The following SERPINB2 variants were observed in gnomAD, a reference collection of about 807,000 sequenced individuals.
SERPINB2 encodes plasminogen activator inhibitor 2.
Under a neutral mutation model 39.4 loss-of-function variants are expected in SERPINB2, and 28 were observed. The ratio of observed to expected loss-of-function variants is 0.71; its 90% CI spans 0.53 to 0.97. The LOEUF (loss-of-function observed/expected upper bound fraction) is 0.97. SERPINB2 is among the 50% of genes least tolerant of loss of function. The pLI is 0.00. For missense variants in SERPINB2, 557 were observed against 505.3 expected (o/e 1.10, Z -0.98); for synonymous variants, 209 against 175.1 (o/e 1.19, Z -1.53).
At chr18:63,901,942 G>A (rs999797876) in intron 6 of SERPINB2, 60 bp downstream of exon 6, 5 of 1,507,612 alleles carry the variant, frequency 3.3e-6, no homozygotes, top group Non-Finnish European at 4.4e-6. Context: ...ACAAGATATA[G>A]ACAGAAAAAT....
At chr18:63,900,685 A>G (rs904431580) in intron 5 of SERPINB2, among the ~76,000 whole-genome samples, 3 of 152,188 alleles carry the variant, frequency 2.0e-5, no homozygotes, top group African/African-American at 7.2e-5. Context: ...AGGTGTTGCC[A>G]TCACAATGGT....
In SERPINB2 at chr18:63,897,129, T is replaced by C; in HGVS notation, c.327T>C (p.Ser109=). The part of the protein sequence containing the change: ...AADKIHSSFR[S]LSSAINASTG... ...ATAAAATCCATTCATCCTTCCGCTC[T>C]CTCAGCTCTGCAATCAATGCATCCA... Residue 109 remains serine, a synonymous_variant, in exon 4 of 8, where the codon TCT becomes TCC. Coordinates refer to ENST00000299502, the MANE Select transcript of SERPINB2 (RefSeq NM_002575.3). 6.2e-7 allele frequency: 1 copy of C among 1,613,508 alleles called. No homozygotes were observed. The highest frequency in any genetic ancestry group is 1.1e-5 in the South Asian group (1 of 91,022).
In SERPINB2 at chr18:63,894,933, AT is replaced by A. The variant is rs377690463; in HGVS notation, c.169-322del. On this transcript the variant is annotated intron_variant, in intron 2 of 7. Transcript: ENST00000299502. ...TTGTGACTTTCTTTAAAATACTGGC[AT>A]TTTTTTTTCAAGACCATTTATTGGT... 7.6e-3 allele frequency among the ~76,000 whole-genome samples: 1,146 copies of A among 150,772 alleles called. 17 individuals carry two copies. The highest frequency in any genetic ancestry group is 0.024 in the African/African-American group (983 of 41,020).
intron 2 of SERPINB2, among the ~76,000 whole-genome samples, chr18:63,892,276 C>G (rs2049931646): frequency 6.6e-6 from 1 of 152,136 alleles, no homozygotes; most frequent in South Asian, 2.1e-4. Flanking sequence ...TGCACAACAT[C>G]ATTGTGAGGG....
intron 5 of SERPINB2, among the ~76,000 whole-genome samples, chr18:63,898,814 G>T (rs897768910): frequency 1.3e-5 from 2 of 152,172 alleles, no homozygotes; most frequent in Non-Finnish European, 2.9e-5. Flanking sequence ...TTTCCAGACA[G>T]AGTGCACAGA....
rs2049966064 is a variant in SERPINB2, at chr18:63,897,291, A to G, written c.417+72A>G. The G allele has an allele frequency of 4.6e-6, 7 of 1,536,770 alleles. No homozygotes were observed. The South Asian group carries it at 5.0e-5, about 11-fold the overall frequency. On this transcript the variant is annotated intron_variant, in intron 4 of 7. Transcript: ENST00000299502. ...GAAGTCACTTTCAAAGCAGTTCTCT[A>G]CAATTCAACAGTTCATAAAAGCAGA... is the stretch of plus-strand genomic sequence containing the variant.
In SERPINB2 at chr18:63,891,499, C is replaced by T; in HGVS notation, c.55C>T (p.Leu19=). The T allele has an allele frequency of 1.2e-6, 2 of 1,614,158 alleles. No homozygotes were observed. The highest frequency in any genetic ancestry group is 1.1e-5 in the South Asian group (1 of 91,080). Residue 19 remains leucine, a synonymous_variant, in exon 2 of 8, where the codon CTG becomes TTG. Transcript: ENST00000299502. ...CTTTGCCCTCAATTTATTCAAGCAT[C>T]TGGCAAAAGCAAGCCCCACCCAGAA... ...TLFALNLFKH[L]AKASPTQNLF... is the part of the protein sequence containing the mutation.
At chr18:63,892,891 G>A (rs1253450785) in intron 2 of SERPINB2, among the ~76,000 whole-genome samples, 1 of 151,978 alleles carries the variant, frequency 6.6e-6, no homozygotes, top group African/African-American at 2.4e-5. Context: ...TAGTAAATTG[G>A]CACAAAAGCT....
At chr18:63,891,344 A>G in intron 1 of SERPINB2, 92 bp from the exon 2 acceptor site, 1 of 1,312,324 alleles carries the variant, frequency 7.6e-7, no homozygotes, top group Non-Finnish European at 1.1e-6. Flanking sequence ...CTGTCCCTAC[A>G]CAGAATGCAG....
At chr18:63,899,219 C>T (rs1226736956) in intron 5 of SERPINB2, among the ~76,000 whole-genome samples, 4 of 152,176 alleles carry the variant, frequency 2.6e-5, no homozygotes, top group African/African-American at 9.6e-5. Context: ...CTCATCTCCT[C>T]ATCTGCTTTT....
chr18:63,897,187 C>A lies in SERPINB2; in HGVS notation c.385C>A (p.Leu129Met). 1 of 1,612,768 alleles carries A rather than the reference C, an allele frequency of 6.2e-7. No individual in the cohort carries two copies. The highest frequency in any genetic ancestry group is 8.5e-7 in the Non-Finnish European group (1 of 1,179,332). ...TTATTTACTGGAAAGTGTCAATAAG[C>A]TGTTTGGTGAGAAGTCTGCGAGCTT... Reference protein sequence around the residue: ...GNYLLESVNKLFGEKSASFRE... With the variant: ...GNYLLESVNKMFGEKSASFRE... Residue 129 changes from leucine to methionine, a missense_variant, in exon 4 of 8, where the codon CTG becomes ATG. Physicochemically the swap from Leu to Met is conservative, Grantham distance 15. Transcript: ENST00000299502.
intron 2 of SERPINB2, chr18:63,892,756 T>A (rs2049934941): frequency 6.6e-6 from 1 of 152,214 alleles, no homozygotes; most frequent in Non-Finnish European, 1.5e-5. Flanking sequence ...TCAATCTCTG[T>A]GTTTGTGACA....
rs759788422 is a variant in SERPINB2 at position 63,891,585 on chromosome 18, G to C, written c.141G>C (p.Arg47Ser). The stretch of plus-strand genomic sequence containing the variant: ...TGGCCATGGTCTACATGGGCTCCAG[G>C]GGCAGCACCGAAGACCAGATGGCCA... ...STMAMVYMGSRGSTEDQMAKV... is the reference protein window; with the variant it reads ...STMAMVYMGSSGSTEDQMAKV... The change falls in exon 2 of 8, where the codon AGG (arginine) becomes AGC (serine). Residue 47 changes from arginine to serine, a missense_variant. Arg to Ser is a moderately radical substitution (Grantham distance 110). Transcript: ENST00000299502. 5 of 1,613,918 alleles carry C rather than the reference G, an allele frequency of 3.1e-6. No homozygotes were observed. The highest frequency in any genetic ancestry group is 4.2e-6 in the Non-Finnish European group (5 of 1,179,888).
At chr18:63,901,950 A>G in intron 6 of SERPINB2, 68 bp downstream of exon 6, 1 of 1,430,472 alleles carries the variant, frequency 7.0e-7, no homozygotes, top group Non-Finnish European at 9.5e-7. Flanking sequence ...TAGACAGAAA[A>G]ATTAGAGACC....
At chr18:63,901,503 T>C (rs2049990684) in intron 5 of SERPINB2, among the ~76,000 whole-genome samples, 1 of 152,178 alleles carries the variant, frequency 6.6e-6, no homozygotes, top group Non-Finnish European at 1.5e-5. Flanking sequence ...CATTCCAAAC[T>C]TGATAGGCGG....
At chr18:63,901,936 G>T in intron 6 of SERPINB2, 54 bp downstream of exon 6, 1 of 1,517,116 alleles carries the variant, frequency 6.6e-7, no homozygotes, top group Non-Finnish European at 8.8e-7. Context: ...CTTTTGACAA[G>T]ATATAGACAG....
At chr18:63,899,460 A>G (rs1318036282) in intron 5 of SERPINB2, among the ~76,000 whole-genome samples, 1 of 152,218 alleles carries the variant, frequency 6.6e-6, no homozygotes, top group African/African-American at 2.4e-5. Flanking sequence ...TAAGTAAACA[A>G]TTGCTGAATA....
intron 5 of SERPINB2, among the ~76,000 whole-genome samples, chr18:63,899,025 G>A (rs879665434): frequency 6.6e-6 from 1 of 152,194 alleles, no homozygotes; most frequent in Non-Finnish European, 1.5e-5. Flanking sequence ...TGAGTTCTCA[G>A]TAATCCAGTT....
intron 1 of SERPINB2, chr18:63,890,172 T>C (rs1379514372): frequency 6.6e-6 from 1 of 152,148 alleles, no homozygotes; most frequent in Non-Finnish European, 1.5e-5. Context: ...GTATTCCAAA[T>C]GAGACATTTT....
Sources: allele counts gnomAD v4.1 joint callset (sites outside exome capture counted in the v4.1 genomes callset), GRCh38; gene constraint gnomAD v4.1.1; transcripts MANE v1.5; gene names NCBI Gene and HGNC (gene_info 2026-07-23, HGNC 2026-07-21).